STOX2: variants seen among roughly 807,000 people sequenced by gnomAD.
STOX2 encodes the protein storkhead box 2.
A neutral mutation model predicts 60.9 loss-of-function variants in STOX2; 28 were observed. The observed-to-expected ratio is 0.46, with a 90% CI of 0.34 to 0.63. STOX2 has a LOEUF of 0.63. Among genes scored for constraint, STOX2 ranks in the 30% least tolerant of loss-of-function variants. The pLI is 0.01. For synonymous variants in STOX2, 472 were observed against 463.9 expected (o/e 1.02, Z -0.22); for missense variants, 1,024 against 1,187.7 (o/e 0.86, Z 2.03).
intron 1 of STOX2, among the ~76,000 whole-genome samples, chr4:183,970,182 G>GTGTGT (rs1560911416): frequency 2.3e-4 from 31 of 134,038 alleles, no homozygotes; most frequent in Middle Eastern, 3.3e-3. Flanking sequence ...GTGTGTGTGT[G>GTGTGT]GGGTTCCAGC....
intron 1 of STOX2, among the ~76,000 whole-genome samples, chr4:183,801,096 T>C (rs1738754853): frequency 6.6e-6 from 1 of 152,250 alleles, no homozygotes; most frequent in African/African-American, 2.4e-5. Flanking sequence ...TCTAACCAAC[T>C]GTAAAACTTC....
chr4:183,877,540 G>A (rs771573382), intron 1 of STOX2, among the ~76,000 whole-genome samples: 4 of 152,166 alleles, frequency 2.6e-5, no homozygotes, highest in Non-Finnish European at 4.4e-5. Flanking sequence ...TTGCAGAGCC[G>A]TTTTGCATGC....
chr4:183,965,022 C>T (rs1341842375), intron 1 of STOX2, among the ~76,000 whole-genome samples: 2 of 152,204 alleles, frequency 1.3e-5, no homozygotes, highest in Non-Finnish European at 2.9e-5. Context: ...CTCATATTTA[C>T]CCATTTCCTC....
chr4:183,832,815 C>T (rs992425368), intron 1 of STOX2, among the ~76,000 whole-genome samples: 18 of 152,124 alleles, frequency 1.2e-4, no homozygotes, highest in Admixed American at 5.9e-4. Context: ...CCCTTACTGT[C>T]GTTAGGCTCT....
rs540001738 is a variant in STOX2 at position 184,006,992 on chromosome 4, G to A, written c.320-2166G>A. On this transcript the variant is annotated intron_variant, in intron 2 of 3. Transcript: ENST00000308497. ...GATCCCGCCACTGCACTCCAGCCTG[G>A]GCGACAGAGCGAGACTCTGTCTCAA... 1.5e-3 allele frequency among the ~76,000 whole-genome samples: 191 copies of A among 125,974 alleles called. 2 individuals are homozygous for A. The Admixed American group carries it at 0.016, about 10-fold the overall frequency. The allele number at this position is 125,974 out of a possible 152,430, so 82.6% of individuals were successfully genotyped here. A position where few individuals can be genotyped will look rare whatever the true frequency, so the allele number is the denominator to read the frequency against.
At chr4:183,809,950 A>C (rs548127474) in intron 1 of STOX2, among the ~76,000 whole-genome samples, 1 of 152,350 alleles carries the variant, frequency 6.6e-6, no homozygotes, top group Non-Finnish European at 1.5e-5. Flanking sequence ...AAAATTATAG[A>C]TAGGTTTTTC....
Position 184,001,527 on chromosome 4 carries a change from G to A in STOX2, c.319+50G>A, listed in dbSNP as rs767380331. ...TTCCAGGTGGCGGTGTGCTGTGGTCGCTCTAGGACTCACGTGGACTGTTCT... is the reference window on the plus strand; with the variant it reads ...TTCCAGGTGGCGGTGTGCTGTGGTCACTCTAGGACTCACGTGGACTGTTCT... On this transcript the variant is annotated intron_variant, in intron 2 of 3. Transcript: ENST00000308497. The surrounding 1 kb of genome is among the most constrained non-coding windows in gnomAD (Gnocchi z 4.2). 6.9e-5 allele frequency: 110 copies of A among 1,586,744 alleles called. 1 individual carries two copies. The highest frequency in any genetic ancestry group is 4.1e-4 in the Admixed American group (24 of 58,764).
chr4:183,814,816 C>T (rs1445846573), intron 1 of STOX2, among the ~76,000 whole-genome samples: 1 of 152,104 alleles, frequency 6.6e-6, no homozygotes, highest in Non-Finnish European at 1.5e-5. Flanking sequence ...AATATTAATA[C>T]TGTGAATATT....
rs72695375 is a variant in STOX2, at chr4:183,917,250, C to T, written c.166+10294C>T. ...CCCAGGGGTTGATGGAAGGAAGCCA[C>T]CAGGGTGATTGTGGTGGATCGGTAA... On this transcript the variant is annotated intron_variant, in intron 1 of 3. Coordinates refer to ENST00000308497, the MANE Select transcript of STOX2 (RefSeq NM_020225.3). 3.1e-3 allele frequency among the ~76,000 whole-genome samples: 478 copies of T among 152,298 alleles called. 1 individual carries two copies. The highest frequency in any genetic ancestry group is 4.9e-3 in the Non-Finnish European group (336 of 68,034).
intron 2 of STOX2, among the ~76,000 whole-genome samples, chr4:184,004,874 T>A (rs1178350184): frequency 6.6e-6 from 1 of 152,242 alleles, no homozygotes; most frequent in African/African-American, 2.4e-5. Flanking sequence ...CAACTGAATC[T>A]TTCTGGGAGG....
At chr4:183,820,667 A>G (rs1161813596) in intron 1 of STOX2, among the ~76,000 whole-genome samples, 1 of 152,216 alleles carries the variant, frequency 6.6e-6, no homozygotes, top group Non-Finnish European at 1.5e-5. Flanking sequence ...TGTATCTTGC[A>G]AAGGACTGAA....
Position 183,831,992 on chromosome 4 carries a change from T to C in STOX2, c.364+33937T>C, listed in dbSNP as rs186724541. The stretch of plus-strand genomic sequence containing the variant: ...TCATTCATTTCTTCTTCTTCTTCTT[T>C]TTTTTTTTTTTTTTGAGACAGAGTT... On this transcript the variant is annotated intron_variant, in intron 1 of 2. Coordinates refer to the STOX2 transcript ENST00000513034. Among the ~76,000 whole-genome samples, 740 of 145,812 alleles carry C rather than the reference T, an allele frequency of 5.1e-3. 5 individuals are homozygous for C. Among genetic ancestry groups the C allele is most frequent in the African/African-American group, 0.017 (629 of 37,822 alleles).
At chr4:183,815,143 C>T (rs1739122743) in intron 1 of STOX2, among the ~76,000 whole-genome samples, 1 of 151,898 alleles carries the variant, frequency 6.6e-6, no homozygotes, top group African/African-American at 2.4e-5. Context: ...TAGGTGTCCA[C>T]CACCATGCCC....
chr4:183,807,815 AG>A (rs920916830), intron 1 of STOX2, among the ~76,000 whole-genome samples: 1 of 152,212 alleles, frequency 6.6e-6, no homozygotes, highest in Non-Finnish European at 1.5e-5. Context: ...AGCTGAAAAA[AG>A]GCGAGGGAGA....
At chr4:183,919,477 G>T (rs773780253) in intron 1 of STOX2, among the ~76,000 whole-genome samples, 2 of 152,212 alleles carry the variant, frequency 1.3e-5, no homozygotes, top group Non-Finnish European at 2.9e-5. Context: ...TCAGGCCTGG[G>T]ATGTAAGCAC....
intron 1 of STOX2, among the ~76,000 whole-genome samples, chr4:183,835,857 T>C (rs554117350): frequency 1.3e-3 from 201 of 152,268 alleles, no homozygotes; most frequent in Middle Eastern, 6.8e-3. Context: ...TGACATATGT[T>C]TTCATTTCTC....
intron 1 of STOX2, among the ~76,000 whole-genome samples, chr4:183,956,147 G>C (rs934653983): frequency 3.9e-5 from 6 of 152,178 alleles, no homozygotes; most frequent in South Asian, 2.1e-4. Flanking sequence ...GTGTCTAAAT[G>C]CTCCTTAGAA....
At chr4:183,995,779 C>G (rs187209666) in intron 1 of STOX2, among the ~76,000 whole-genome samples, 1 of 152,322 alleles carries the variant, frequency 6.6e-6, no homozygotes, top group East Asian at 1.9e-4. Flanking sequence ...GATCTGGCCC[C>G]TTTTTTCTCT....
intron 1 of STOX2, among the ~76,000 whole-genome samples, chr4:183,820,587 G>A (rs912920400): frequency 6.6e-6 from 1 of 152,144 alleles, no homozygotes; most frequent in South Asian, 2.1e-4. Flanking sequence ...TTTGAGTTTT[G>A]AGTAAATTTC....
Sources: gnomAD v4.1 joint callset for allele counts (sites outside exome capture counted in the v4.1 genomes callset) on GRCh38, gnomAD v4.1.1 for gene constraint, Gnocchi (gnomAD v3.1) non-coding constraint, MANE v1.5 for transcripts, NCBI Gene and HGNC (gene_info 2026-07-23, HGNC 2026-07-21) for gene names.